The following FAM193A variants were observed in gnomAD, a reference collection of about 807,000 sequenced individuals.
The protein encoded by FAM193A is family with sequence similarity 193 member A, also known as protein FAM193A.
A neutral mutation model predicts 126.5 loss-of-function variants in FAM193A; 22 were observed. The observed-to-expected ratio is 0.17, with a 90% CI of 0.12 to 0.25. FAM193A has a LOEUF of 0.25. Among genes scored for constraint, FAM193A ranks in the 10% least tolerant of loss-of-function variants. The pLI, the probability that FAM193A is intolerant of heterozygous loss-of-function variation, is 1.00. For missense variants in FAM193A, 1,675 were observed against 1,672.8 expected (o/e 1.00, Z -0.02); for synonymous variants, 761 against 646.8 (o/e 1.18, Z -2.68).
chr4:2,570,913 G>A (rs1739255920), intron 1 of FAM193A, among the ~76,000 whole-genome samples: 1 of 152,176 alleles, frequency 6.6e-6, no homozygotes, highest in Non-Finnish European at 1.5e-5. Context: ...CGAACACACA[G>A]GGCCTATTTC....
intron 16 of FAM193A, among the ~76,000 whole-genome samples, chr4:2,694,138 G>T (rs781333994): frequency 6.6e-6 from 1 of 152,122 alleles, no homozygotes; most frequent in Non-Finnish European, 1.5e-5. Context: ...CAGCATCGGG[G>T]GTGTGCATTG....
chr4:2,698,095 A>G (rs1239882909), intron 18 of FAM193A, among the ~76,000 whole-genome samples: 1 of 152,176 alleles, frequency 6.6e-6, no homozygotes, highest in African/African-American at 2.4e-5. Flanking sequence ...CCCATTTTAC[A>G]GAGCAGCTCA....
chr4:2,649,663 C>G (rs1019458142), intron 7 of FAM193A, among the ~76,000 whole-genome samples: 1 of 152,008 alleles, frequency 6.6e-6, no homozygotes, highest in African/African-American at 2.4e-5. Context: ...CAGTGAGACC[C>G]TATCTCAAAA....
intron 1 of FAM193A, among the ~76,000 whole-genome samples, chr4:2,586,254 A>G (rs73207331): frequency 3.3e-5 from 5 of 150,898 alleles, no homozygotes; most frequent in Admixed American, 3.3e-4. Flanking sequence ...CAAAAAAAAA[A>G]ATATATATAT....
intron 1 of FAM193A, among the ~76,000 whole-genome samples, chr4:2,547,155 A>G (rs1737614935): frequency 6.6e-6 from 1 of 152,048 alleles, no homozygotes; most frequent in Non-Finnish European, 1.5e-5. Flanking sequence ...TGGGAGGCCG[A>G]GGCAGGCGGA....
intron 10 of FAM193A, 26 bp from the exon 11 acceptor site, chr4:2,662,812 A>G (rs1443587642): frequency 6.9e-6 from 11 of 1,591,760 alleles, no homozygotes; most frequent in Non-Finnish European, 2.6e-6. Flanking sequence ...GAATGACCTC[A>G]CAGTGACCAT....
chr4:2,708,444 T>C (rs1718554205), intron 19 of FAM193A, among the ~76,000 whole-genome samples: 1 of 151,890 alleles, frequency 6.6e-6, no homozygotes, highest in Non-Finnish European at 1.5e-5. Context: ...CTTTATTTTT[T>C]TATTTTTTAT....
intron 2 of FAM193A, among the ~76,000 whole-genome samples, chr4:2,604,764 G>GTCTGCT (rs1741428444): frequency 7.2e-6 from 1 of 139,360 alleles, no homozygotes; most frequent in African/African-American, 2.7e-5. Context: ...TTAATTGAGA[G>GTCTGCT]TCTGCTTTTT....
intron 20 of FAM193A, among the ~76,000 whole-genome samples, chr4:2,724,309 TAA>T (rs143759182): frequency 0.026 from 3,914 of 152,266 alleles, 178 homozygotes; most frequent in African/African-American, 0.089. Context: ...TTTTTCAACT[TAA>T]GACCACTTTT....
At chr4:2,688,393 C>T (rs1037687505) in intron 13 of FAM193A, among the ~76,000 whole-genome samples, 1 of 152,198 alleles carries the variant, frequency 6.6e-6, no homozygotes, top group South Asian at 2.1e-4. Flanking sequence ...TCTGAGGAAG[C>T]GATCTTTAGG....
intron 10 of FAM193A, among the ~76,000 whole-genome samples, chr4:2,660,406 G>T (rs367935878): frequency 2.0e-4 from 31 of 152,304 alleles, no homozygotes; most frequent in African/African-American, 7.5e-4. Context: ...ACTCATGCTT[G>T]TTTCATGTCT....
intron 1 of FAM193A, among the ~76,000 whole-genome samples, chr4:2,542,370 C>T (rs1486559551): frequency 1.3e-5 from 2 of 152,012 alleles, no homozygotes; most frequent in Non-Finnish European, 2.9e-5. Context: ...GAACTCCTGA[C>T]CTCAAGTGAT....
intron 2 of FAM193A, among the ~76,000 whole-genome samples, chr4:2,596,594 T>G (rs918109181): frequency 2.6e-5 from 4 of 152,218 alleles, no homozygotes; most frequent in African/African-American, 7.2e-5. Flanking sequence ...GGCTTTGAGC[T>G]TAGTATTTCT....
chr4:2,636,436 C>G (rs1744099805), intron 5 of FAM193A, among the ~76,000 whole-genome samples: 1 of 152,124 alleles, frequency 6.6e-6, no homozygotes, highest in South Asian at 2.1e-4. Context: ...GGGAGAGTTT[C>G]TTAATGGTTA....
intron 19 of FAM193A, among the ~76,000 whole-genome samples, chr4:2,701,180 CAGTACA>C (rs1717691574): frequency 6.6e-6 from 1 of 151,626 alleles, no homozygotes; most frequent in Non-Finnish European, 1.5e-5. Flanking sequence ...TATAAAACCA[CAGTACA>C]GTGATCAAAA....
chr4:2,589,117 G>A (rs536313691), intron 1 of FAM193A, among the ~76,000 whole-genome samples: 1 of 152,244 alleles, frequency 6.6e-6, no homozygotes, highest in East Asian at 1.9e-4. Context: ...TGGATAAGTA[G>A]CATCAAAACA....
intron 15 of FAM193A, among the ~76,000 whole-genome samples, chr4:2,692,194 G>GA (rs2109271554): frequency 6.6e-6 from 1 of 152,268 alleles, no homozygotes; most frequent in East Asian, 1.9e-4. Flanking sequence ...GGCTAGGGAG[G>GA]CTTCAGGAAA....
intron 2 of FAM193A, among the ~76,000 whole-genome samples, chr4:2,601,612 C>G (rs1741201279): frequency 1.3e-5 from 2 of 151,144 alleles, no homozygotes. Flanking sequence ...AGTTTTGGCC[C>G]AGCACAGTGG....
At chr4:2,696,632 G>A in intron 18 of FAM193A, 39 bp downstream of exon 18, 3 of 1,530,724 alleles carry the variant, frequency 2.0e-6, no homozygotes, top group Non-Finnish European at 2.7e-6. Context: ...CGCCAGGTCT[G>A]AGGGCATTTG....
Sources: allele counts gnomAD v4.1 joint callset (sites outside exome capture counted in the v4.1 genomes callset), GRCh38; gene constraint gnomAD v4.1.1; transcripts MANE v1.5; gene names NCBI Gene and HGNC (gene_info 2026-07-23, HGNC 2026-07-21).